Variants in ATP13A4 observed in about 807,000 individuals in gnomAD.
ATP13A4 encodes the protein ATPase 13A4.
ATP13A4 carries 114 observed loss-of-function variants against 142.5 expected under a neutral mutation model. The observed-to-expected ratio is 0.80, with a 90% CI of 0.69 to 0.93. ATP13A4 has a LOEUF of 0.93. Among genes scored for constraint, ATP13A4 ranks in the 40% least tolerant of loss-of-function variants. The pLI is 0.00. For missense variants in ATP13A4, 1,392 were observed against 1,454.0 expected (o/e 0.96, Z 0.69); for synonymous variants, 488 against 514.8 (o/e 0.95, Z 0.70).
At chr3:193,508,509 A>T (rs1159695676) in intron 2 of ATP13A4, among the ~76,000 whole-genome samples, 2 of 152,246 alleles carry the variant, frequency 1.3e-5, no homozygotes, top group African/African-American at 4.8e-5. Flanking sequence ...GGAGAAAAAA[A>T]TCTCTACTGG....
upstream of ATP13A4, among the ~76,000 whole-genome samples, chr3:193,555,533 A>G (rs1475858463): frequency 6.6e-6 from 1 of 152,262 alleles, no homozygotes; most frequent in Non-Finnish European, 1.5e-5. Flanking sequence ...TTTCACTAAA[A>G]TATTGATGGT....
At chr3:193,416,942 A>G (rs1715094984) in intron 25 of ATP13A4, 1 of 152,168 alleles carries the variant, frequency 6.6e-6, no homozygotes, top group African/African-American at 2.4e-5. Context: ...AAAACAAAAC[A>G]AAACAAAGAC....
At chr3:193,448,095 G>A (rs1264086358) in intron 18 of ATP13A4, 111 bp downstream of exon 18, 3 of 1,445,452 alleles carry the variant, frequency 2.1e-6, no homozygotes, top group Non-Finnish European at 1.9e-6. Context: ...TCCAGCACCT[G>A]GAATGATGTC....
chr3:193,460,150 A>C (rs1293169793), intron 13 of ATP13A4, among the ~76,000 whole-genome samples: 2 of 152,098 alleles, frequency 1.3e-5, no homozygotes, highest in Non-Finnish European at 2.9e-5. Context: ...AAACTTAGGG[A>C]TCAACTCTGC....
intron 3 of ATP13A4, among the ~76,000 whole-genome samples, chr3:193,495,315 A>G (rs1292826457): frequency 6.6e-6 from 1 of 152,152 alleles, no homozygotes; most frequent in Non-Finnish European, 1.5e-5. Flanking sequence ...TCATATGTCA[A>G]TATTCCTGAC....
chr3:193,591,114 A>C (rs1258975700), intron 1 of ATP13A4, among the ~76,000 whole-genome samples: 1 of 152,216 alleles, frequency 6.6e-6, no homozygotes, highest in Non-Finnish European at 1.5e-5. Flanking sequence ...CTCAGGCTGG[A>C]GTGCAGTGGC....
At chr3:193,465,221 C>T (rs1718199676) in intron 11 of ATP13A4, 93 bp from the exon 12 acceptor site, 40 of 1,353,796 alleles carry the variant, frequency 3.0e-5, no homozygotes, top group Admixed American at 4.0e-5. Context: ...GAGTTTTGCT[C>T]TTGTCGCCCA....
In ATP13A4 at chr3:193,484,007, T is replaced by C; in HGVS notation, c.739-2A>G. On this transcript the variant is annotated splice_acceptor_variant, in intron 7 of 29. Transcript: ENST00000342695. LOFTEE classifies it high-confidence loss of function. ...GAGATGGTGGAGTTTTACAGATTGC[T>C]GAAAAAGAAGGAAAAATGGAAAAGT... 1 of 1,605,916 alleles carries C rather than the reference T, an allele frequency of 6.2e-7. No individual in the cohort carries two copies. The highest frequency in any genetic ancestry group is 1.3e-5 in the African/African-American group (1 of 74,824).
At chr3:193,517,981 T>G (rs1333376943) in intron 1 of ATP13A4, among the ~76,000 whole-genome samples, 2 of 152,238 alleles carry the variant, frequency 1.3e-5, no homozygotes, top group Admixed American at 1.3e-4. Flanking sequence ...CTAGAAATCT[T>G]AAACTGGAGG....
intron 27 of ATP13A4, 44 bp from the exon 28 acceptor site, chr3:193,411,114 T>C: frequency 7.6e-7 from 1 of 1,320,858 alleles, no homozygotes; most frequent in Non-Finnish European, 1.1e-6. Flanking sequence ...GAAATCAGAG[T>C]GAAAAATGTC....
intron 5 of ATP13A4, among the ~76,000 whole-genome samples, chr3:193,491,820 CT>C (rs1560228520): frequency 6.6e-6 from 1 of 152,110 alleles, no homozygotes. Flanking sequence ...TTTCCTACCC[CT>C]ATTTAGAAGT....
At chr3:193,505,471 A>T (rs536548137) in intron 2 of ATP13A4, among the ~76,000 whole-genome samples, 19 of 152,222 alleles carry the variant, frequency 1.2e-4, no homozygotes, top group African/African-American at 4.8e-5. Context: ...AATATTATCA[A>T]ATCAAAGGTA....
At chr3:193,546,451 C>G (rs1034359008) in intron 1 of ATP13A4, among the ~76,000 whole-genome samples, 2 of 152,186 alleles carry the variant, frequency 1.3e-5, no homozygotes, top group African/African-American at 4.8e-5. Flanking sequence ...AGTCATCTTC[C>G]CTGGCAATAC....
At chr3:193,459,330 A>G in intron 13 of ATP13A4, 99 bp from the exon 14 acceptor site, 1 of 1,452,924 alleles carries the variant, frequency 6.9e-7, no homozygotes, top group Non-Finnish European at 9.4e-7. Context: ...ATAATTTAAT[A>G]TGCTTTGTTG....
chr3:193,577,657 T>C (rs1347587356), intron 2 of ATP13A4, among the ~76,000 whole-genome samples: 2 of 152,222 alleles, frequency 1.3e-5, no homozygotes, highest in Non-Finnish European at 2.9e-5. Context: ...CACTGTGCTA[T>C]AGTGGAACTG....
At chr3:193,430,079 G>A (rs544222493) in intron 25 of ATP13A4, among the ~76,000 whole-genome samples, 1 of 152,158 alleles carries the variant, frequency 6.6e-6, no homozygotes, top group Admixed American at 6.5e-5. Flanking sequence ...TTGCTATGGA[G>A]AAGAGAACAA....
At chr3:193,463,148 AG>A (rs2108641231) in intron 12 of ATP13A4, among the ~76,000 whole-genome samples, 1 of 152,292 alleles carries the variant, frequency 6.6e-6, no homozygotes, top group Admixed American at 6.5e-5. Context: ...AGCGTTGATG[AG>A]CTCATGCCAG....
At chr3:193,550,311 T>G (rs1010723681) in intron 1 of ATP13A4, among the ~76,000 whole-genome samples, 1 of 150,630 alleles carries the variant, frequency 6.6e-6, no homozygotes, top group Non-Finnish European at 1.5e-5. Context: ...TTAGGTTTTT[T>G]TTTTTTTTTT....
intron 7 of ATP13A4, among the ~76,000 whole-genome samples, chr3:193,484,754 A>T (rs527249795): frequency 3.9e-5 from 6 of 152,364 alleles, no homozygotes; most frequent in Middle Eastern, 3.4e-3. Flanking sequence ...AGCAAATTTT[A>T]ATATTTCAGG....
Sources: gnomAD v4.1 joint callset for allele counts (sites outside exome capture counted in the v4.1 genomes callset) on GRCh38, gnomAD v4.1.1 for gene constraint, MANE v1.5 for transcripts, NCBI Gene and HGNC (gene_info 2026-07-23, HGNC 2026-07-21) for gene names.